Variants in IKBKB observed in about 807,000 individuals in gnomAD.
IKBKB encodes inhibitor of nuclear factor kappa B kinase subunit beta.
A neutral mutation model predicts 113.6 loss-of-function variants in IKBKB; 42 were observed. The ratio of observed to expected loss-of-function variants is 0.37; its 90% CI spans 0.29 to 0.48. The LOEUF is 0.48. Ranked by LOEUF, IKBKB falls within the 20% of genes least tolerant of loss-of-function variation. The pLI is 0.99. For missense variants in IKBKB, 673 were observed against 939.7 expected (o/e 0.72, Z 3.71); for synonymous variants, 296 against 361.3 (o/e 0.82, Z 2.05).
At chr8:42,306,510 T>A in intron 7 of IKBKB, 78 bp downstream of exon 7, 1 of 930,826 alleles carries the variant, frequency 1.1e-6, no homozygotes, top group Non-Finnish European at 1.8e-6. Context: ...CCTGCCTTGC[T>A]CCCAGCACCT....
chr8:42,304,200 T>C (rs1408957526), intron 5 of IKBKB, among the ~76,000 whole-genome samples: 1 of 152,248 alleles, frequency 6.6e-6, no homozygotes, highest in Admixed American at 6.5e-5. Context: ...TCTGTTGAGC[T>C]CTCTAGGCTA....
intron 9 of IKBKB, among the ~76,000 whole-genome samples, chr8:42,315,546 A>G (rs1818523506): frequency 6.6e-6 from 1 of 152,190 alleles, no homozygotes; most frequent in Admixed American, 6.5e-5. Context: ...GGAGTTTGTC[A>G]TGTGAACCGC....
At chr8:42,322,213 C>T (rs1819907609) in intron 18 of IKBKB, 60 bp downstream of exon 18, 16 of 1,557,650 alleles carry the variant, frequency 1.0e-5, no homozygotes, top group Non-Finnish European at 1.3e-5. Context: ...TATGAGGTCA[C>T]CTTCCTCCCT....
chr8:42,283,363 A>G (rs1310077594), intron 2 of IKBKB, among the ~76,000 whole-genome samples: 1 of 152,188 alleles, frequency 6.6e-6, no homozygotes, highest in East Asian at 1.9e-4. Context: ...GTGGGGCAGC[A>G]TGGCAAAGGG....
chr8:42,311,670 G>A (rs575896207), intron 8 of IKBKB, among the ~76,000 whole-genome samples: 8 of 152,102 alleles, frequency 5.3e-5, no homozygotes, highest in African/African-American at 1.2e-4. Flanking sequence ...TCAATTCCAC[G>A]TTTACCTCCC....
chr8:42,325,935 C>T, intron 19 of IKBKB, 35 bp from the exon 20 acceptor site: 1 of 1,612,478 alleles, frequency 6.2e-7, no homozygotes, highest in East Asian at 2.2e-5. Context: ...TGATTCATCA[C>T]TTGGCTCCTA....
At chr8:42,285,712 G>A (rs986451210) in intron 2 of IKBKB, among the ~76,000 whole-genome samples, 3 of 152,218 alleles carry the variant, frequency 2.0e-5, no homozygotes, top group Non-Finnish European at 2.9e-5. Flanking sequence ...GCCTACTGCC[G>A]CAGACTGGAC....
intron 5 of IKBKB, among the ~76,000 whole-genome samples, chr8:42,299,726 G>A (rs1422232171): frequency 6.6e-6 from 1 of 152,170 alleles, no homozygotes; most frequent in Non-Finnish European, 1.5e-5. Flanking sequence ...CCTTGCACGC[G>A]TTGCCCCTTG....
chr8:42,306,490 G>A, intron 7 of IKBKB, 58 bp downstream of exon 7: 1 of 1,168,912 alleles, frequency 8.6e-7, no homozygotes, highest in Non-Finnish European at 1.3e-6. Flanking sequence ...TGCATTTGTG[G>A]GGCTCCTGTC....
At position 42,271,423 on chromosome 8, in the gene IKBKB, T is replaced by TACCCCCCCCCGGGGGCCCCCCCCCCGCCC; in HGVS notation, c.-65_-64insACCCCCCCCCGGGGGCCCCCCCCCCGCCC. On this transcript the variant is annotated 5_prime_UTR_variant, in exon 1 of 22. The change abolishes the stop of an existing upstream ORF in the 5' untranslated region. Coordinates refer to ENST00000520810, the MANE Select transcript of IKBKB (RefSeq NM_001556.3). ...GGGTTTGGCCGCCCCAGCCCCGCCT[T>TACCCCCCCCCGGGGGCCCCCCCCCCGCCC]CCCCGCCCCGGGGAGCCCGCCCCCT... 2 of 1,488,670 alleles carry TACCCCCCCCCGGGGGCCCCCCCCCCGCCC rather than the reference T, an allele frequency of 1.3e-6. No homozygotes were observed. The highest frequency in any genetic ancestry group is 1.8e-6 in the Non-Finnish European group (2 of 1,111,966). The allele number at this position is 1,488,670 out of a possible 1,614,324, so 92.2% of individuals were successfully genotyped here. A position where few individuals can be genotyped will look rare whatever the true frequency, so the allele number is the denominator to read the frequency against.
intron 20 of IKBKB, among the ~76,000 whole-genome samples, chr8:42,327,806 AT>A (rs1285987849): frequency 5.5e-4 from 8 of 14,676 alleles, no homozygotes; most frequent in African/African-American, 5.1e-4. Flanking sequence ...CTAATTTTGT[AT>A]TTTTTTTTTT....
At chr8:42,312,314 C>G (rs942363217) in intron 8 of IKBKB, among the ~76,000 whole-genome samples, 1 of 152,180 alleles carries the variant, frequency 6.6e-6, no homozygotes, top group Non-Finnish European at 1.5e-5. Context: ...AAATACATTC[C>G]TAATGGCCCA....
rs148836092 is a variant in IKBKB at position 42,320,839 on chromosome 8, C to T, written c.1683C>T (p.Asp561=). 3.1e-5 allele frequency: 49 copies of T among 1,586,724 alleles called. 1 individual carries two copies. Among genetic ancestry groups the T allele is most frequent in the South Asian group, 2.1e-4 (18 of 86,414 alleles). The part of the protein sequence containing the change: ...PMGRKQGGTL[D]DLEEQARELY... Reference sequence around the variant, plus strand: ...GCCGGAAGCAGGGGGGAACGCTGGACGACCTGTGAGTACTGGCTGGGGGGC... The same window carrying T: ...GCCGGAAGCAGGGGGGAACGCTGGATGACCTGTGAGTACTGGCTGGGGGGC... The change falls in exon 16 of 22, where the codon GAC becomes GAT. Residue 561 remains aspartate (D), a synonymous_variant. Transcript: ENST00000520810.
chr8:42,281,968 G>T (rs765367661), intron 2 of IKBKB, among the ~76,000 whole-genome samples: 1 of 152,122 alleles, frequency 6.6e-6, no homozygotes, highest in Admixed American at 6.6e-5. Context: ...TCTTCAGCTC[G>T]CATCTGCCAG....
At chr8:42,321,673 C>T in intron 16 of IKBKB, 1 of 496,506 alleles carries the variant, frequency 2.0e-6, no homozygotes, top group Non-Finnish European at 3.6e-6. Context: ...AGGCGCATGC[C>T]ACCATGCTCA....
chr8:42,299,682 G>A (rs1814744085), intron 5 of IKBKB, among the ~76,000 whole-genome samples: 1 of 152,104 alleles, frequency 6.6e-6, no homozygotes, highest in Admixed American at 6.5e-5. Context: ...GCCAGCCTCC[G>A]TGCGTGATTC....
chr8:42,299,554 C>T (rs1814701332), intron 5 of IKBKB, among the ~76,000 whole-genome samples: 1 of 151,798 alleles, frequency 6.6e-6, no homozygotes, highest in Non-Finnish European at 1.5e-5. Flanking sequence ...CTGTGTATGA[C>T]CCACAGAACC....
chr8:42,272,469 TA>T, intron 2 of IKBKB: 2 of 584,258 alleles, frequency 3.4e-6, no homozygotes, highest in South Asian at 4.5e-5. Context: ...ATGGTAACAG[TA>T]GAATATCATG....
chr8:42,307,730 G>T (rs192562338), intron 7 of IKBKB, among the ~76,000 whole-genome samples: 4 of 152,106 alleles, frequency 2.6e-5, no homozygotes, highest in Non-Finnish European at 4.4e-5. Flanking sequence ...AGCAGCAGTC[G>T]AGCAAGGGGG....
Sources: allele counts gnomAD v4.1 joint callset (sites outside exome capture counted in the v4.1 genomes callset), GRCh38; gene constraint gnomAD v4.1.1; transcripts MANE v1.5; gene names NCBI Gene and HGNC (gene_info 2026-07-23, HGNC 2026-07-21).